WNT7A: variants seen among roughly 807,000 people sequenced by gnomAD.
The protein encoded by WNT7A is protein Wnt-7a.
Under a neutral mutation model 28.2 loss-of-function variants are expected in WNT7A, and 16 were observed. That is an observed-to-expected ratio of 0.57 (90% CI 0.38 to 0.86). The LOEUF (loss-of-function observed/expected upper bound fraction) is 0.86. Among genes scored for constraint, WNT7A ranks in the 40% least tolerant of loss-of-function variants. The pLI is 0.00. For synonymous variants in WNT7A, 190 were observed against 195.9 expected (o/e 0.97, Z 0.25); for missense variants, 411 against 489.7 (o/e 0.84, Z 1.52).
At chr3:13,864,912 T>C (rs1044349127) in intron 2 of WNT7A, among the ~76,000 whole-genome samples, 1 of 152,212 alleles carries the variant, frequency 6.6e-6, no homozygotes, top group African/African-American at 2.4e-5. Flanking sequence ...TCAATGGTAA[T>C]GTGGATTAGA....
Position 13,852,207 on chromosome 3 carries a change from C to T in WNT7A, c.570+2325G>A, listed in dbSNP as rs528631911. 2.0e-5 allele frequency among the ~76,000 whole-genome samples: 3 copies of T among 152,338 alleles called. No homozygotes were observed. The East Asian group carries it at 5.8e-4, about 29-fold the overall frequency. On this transcript the variant is annotated intron_variant, in intron 3 of 3. Transcript: ENST00000285018. ...AGAAGCCACATGGTGCACCCCCCCA[C>T]CCCAGCCTCCCCGCTTCCCCTTCTC...
intron 3 of WNT7A, among the ~76,000 whole-genome samples, chr3:13,838,014 C>T (rs1323509175): frequency 1.3e-5 from 2 of 152,214 alleles, no homozygotes; most frequent in East Asian, 1.9e-4. Flanking sequence ...GCAAAGACAC[C>T]TCTGAGATAT....
Position 13,875,098 on chromosome 3 carries a change from C to T in WNT7A, c.147G>A (p.Arg49=), listed in dbSNP as rs370006540. The T allele has an allele frequency of 2.5e-6, 4 of 1,614,064 alleles. No homozygotes were observed. In the African/African-American group the frequency reaches 5.3e-5, roughly 22 times the overall value. The change falls in exon 2 of 4, where the codon CGG becomes CGA. Residue 49 remains arginine, a synonymous_variant. Coordinates refer to ENST00000285018, the MANE Select transcript of WNT7A (RefSeq NM_004625.4). Reference sequence around the variant, plus strand: ...CGTCGGGCCGGCTCTGGCAGATCGCCCGCTGTCTGGGAGCCAGGCCTGGGA... The same window carrying T: ...CGTCGGGCCGGCTCTGGCAGATCGCTCGCTGTCTGGGAGCCAGGCCTGGGA... ...NKIPGLAPRQ[R]AICQSRPDAI... is the part of the protein sequence containing the mutation.
At chr3:13,827,931 G>A (rs1440957900) in intron 3 of WNT7A, among the ~76,000 whole-genome samples, 1 of 151,992 alleles carries the variant, frequency 6.6e-6, no homozygotes, top group East Asian at 1.9e-4. Flanking sequence ...GCCCAACCCA[G>A]CCTTCTACAG....
chr3:13,830,170 G>A (rs889177351), intron 3 of WNT7A, among the ~76,000 whole-genome samples: 10 of 152,030 alleles, frequency 6.6e-5, no homozygotes, highest in East Asian at 1.9e-4. Context: ...CAGGAGGCTC[G>A]TTCCTGAACC....
intron 3 of WNT7A, among the ~76,000 whole-genome samples, chr3:13,833,690 G>A (rs62234562): frequency 0.015 from 2,360 of 152,312 alleles, 28 homozygotes; most frequent in Non-Finnish European, 0.026. Context: ...AGTGGGGACT[G>A]TGGCCTGTGA....
chr3:13,871,737 C>A (rs1221440826), intron 2 of WNT7A, among the ~76,000 whole-genome samples: 1 of 152,152 alleles, frequency 6.6e-6, no homozygotes, highest in African/African-American at 2.4e-5. Flanking sequence ...CTCGACCAGA[C>A]TCCAGACCCC....
chr3:13,849,084 G>A (rs1261659133), intron 3 of WNT7A, among the ~76,000 whole-genome samples: 2 of 152,196 alleles, frequency 1.3e-5, no homozygotes, highest in Non-Finnish European at 2.9e-5. Context: ...CTGGGGATTC[G>A]GAAGGGGAAG....
intron 3 of WNT7A, among the ~76,000 whole-genome samples, chr3:13,827,470 G>A (rs576948400): frequency 3.0e-4 from 46 of 152,306 alleles, no homozygotes; most frequent in African/African-American, 9.9e-4. Context: ...CCCAGAGCCC[G>A]GAATTACTCA....
chr3:13,875,223 T>C (rs1377150485), intron 1 of WNT7A, 50 bp from the exon 2 acceptor site: 8 of 1,602,002 alleles, frequency 5.0e-6, no homozygotes, highest in Non-Finnish European at 6.0e-6. Flanking sequence ...CAAGGGGGCA[T>C]GGCCTGGGAA....
chr3:13,856,531 GA>G (rs1206862427), intron 2 of WNT7A, among the ~76,000 whole-genome samples: 1 of 152,274 alleles, frequency 6.6e-6, no homozygotes, highest in African/African-American at 2.4e-5. Flanking sequence ...AAACATCTCT[GA>G]GGGGGCCAGG....
chr3:13,830,655 C>G (rs1694267149), intron 3 of WNT7A, among the ~76,000 whole-genome samples: 1 of 152,172 alleles, frequency 6.6e-6, no homozygotes, highest in South Asian at 2.1e-4. Flanking sequence ...CCATGGACCA[C>G]ATGGTGGCTG....
chr3:13,868,817 A>AGG (rs1271346844), intron 2 of WNT7A, among the ~76,000 whole-genome samples: 2 of 35,360 alleles, frequency 5.7e-5, no homozygotes, highest in African/African-American at 2.6e-4. Context: ...AGAAAGAGAG[A>AGG]GAGAGAGAAA....
At chr3:13,830,271 A>T (rs1694260307) in intron 3 of WNT7A, among the ~76,000 whole-genome samples, 1 of 152,118 alleles carries the variant, frequency 6.6e-6, no homozygotes. Flanking sequence ...GCTTTGCTGG[A>T]TGTGGAGGCC....
At chr3:13,864,255 T>A (rs1694876987) in intron 2 of WNT7A, among the ~76,000 whole-genome samples, 1 of 152,150 alleles carries the variant, frequency 6.6e-6, no homozygotes, top group Non-Finnish European at 1.5e-5. Context: ...TAAATACCTC[T>A]GACAACTTCC....
At position 13,874,965 on chromosome 3, in the gene WNT7A, C is replaced by T. The variant is rs1320293147; in HGVS notation, c.280G>A (p.Gly94Arg). 1.5e-5 allele frequency: 25 copies of T among 1,614,100 alleles called. 1 individual carries two copies. The highest frequency in any genetic ancestry group is 2.2e-5 in the South Asian group (2 of 91,080). ...CSALGERTVF[G>R]KELKVGSREA... ...CACATACCCACTTTGAGCTCCTTCC[C>T]GAAGACGGTGCGCTCTCCCAGTGCA... The change falls in exon 2 of 4, where the codon GGG (glycine) becomes AGG (arginine). Residue 94 changes from glycine (G) to arginine (R), a missense_variant. Gly to Arg is a moderately radical substitution (Grantham distance 125, BLOSUM62 -2). Coordinates refer to ENST00000285018, the MANE Select transcript of WNT7A (RefSeq NM_004625.4).
intron 2 of WNT7A, among the ~76,000 whole-genome samples, chr3:13,856,893 A>AAAGAAGAAGAAGAAGAAGAAGAAG (rs775537679): frequency 1.4e-5 from 1 of 73,288 alleles, no homozygotes; most frequent in African/African-American, 6.6e-5. Flanking sequence ...AGAAGAAGAA[A>AAAGAAGAAGAAGAAGAAGAAGAAG]AAGAAGAAGA....
chr3:13,863,766 A>G (rs1052327372), intron 2 of WNT7A: 8 of 152,194 alleles, frequency 5.3e-5, no homozygotes, highest in African/African-American at 4.8e-5. Flanking sequence ...AAGGTCTTCA[A>G]ATCCATCCTT....
At chr3:13,845,818 G>A (rs1694529076) in intron 3 of WNT7A, among the ~76,000 whole-genome samples, 1 of 152,238 alleles carries the variant, frequency 6.6e-6, no homozygotes, top group African/African-American at 2.4e-5. Context: ...GGCCCAGGCT[G>A]GGCTCTGAGA....
Sources: allele counts gnomAD v4.1 joint callset (sites outside exome capture counted in the v4.1 genomes callset), GRCh38; gene constraint gnomAD v4.1.1; transcripts MANE v1.5; gene names NCBI Gene and HGNC (gene_info 2026-07-23, HGNC 2026-07-21).